CHRD: variants seen among roughly 807,000 people sequenced by gnomAD.
CHRD encodes chordin.
A neutral mutation model predicts 113.7 loss-of-function variants in CHRD; 69 were observed. The observed-to-expected ratio is 0.61, with a 90% confidence interval of 0.50 to 0.74. The LOEUF (loss-of-function observed/expected upper bound fraction) is 0.74, where lower values mean the gene tolerates loss of function less well. CHRD is among the 30% of genes least tolerant of loss of function. The probability of loss-of-function intolerance (pLI) is 0.00; values close to 1 mark genes in which losing one functional copy is unlikely to be tolerated. For synonymous variants in CHRD, 561 were observed against 540.8 expected (o/e 1.04, Z -0.52); for missense variants, 1,194 against 1,295.8 (o/e 0.92, Z 1.21).
At position 184,388,511 on chromosome 3, in the gene CHRD, C is replaced by T; in HGVS notation, c.2555-76C>T. 6.7e-7 allele frequency: 1 copy of T among 1,495,612 alleles called. No homozygotes were observed. The highest frequency in any genetic ancestry group is 9.0e-7 in the Non-Finnish European group (1 of 1,116,066). The allele number at this position is 1,495,612 out of a possible 1,614,324, so 92.6% of individuals were successfully genotyped here. On this transcript the variant is annotated intron_variant, in intron 20 of 22. Transcript: ENST00000204604. This position sits in a 1 kb window ranked among gnomAD's most constrained non-coding sequence, Gnocchi z 6.1. Reference sequence around the variant, plus strand: ...ACTAAGTGCCAGAAACTGCAACGTGCTGGGTATTCAAAGAGAATACTCATA... The same window carrying T: ...ACTAAGTGCCAGAAACTGCAACGTGTTGGGTATTCAAAGAGAATACTCATA...
chr3:184,383,566 T>C, exon 12 of CHRD: 2 of 1,614,048 alleles, frequency 1.2e-6, no homozygotes, highest in Non-Finnish European at 1.7e-6. Flanking sequence ...GCCATGACAC[T>C]GGAGACCAAG....
In CHRD at chr3:184,384,639, C is replaced by T; in HGVS notation, c.1543C>T (p.Leu515Phe). The T allele has an allele frequency of 6.2e-7, 1 of 1,606,656 alleles. No individual in the cohort carries two copies. The highest frequency in any genetic ancestry group is 1.7e-5 in the Admixed American group (1 of 58,716). ...CACCAAGGACTTCCCAGACGGAGAG[C>T]TTCGGGGGCACGTGGCTGCCCTGCC... is the stretch of plus-strand genomic sequence containing the variant. The change falls in exon 13 of 23, where the codon CTT becomes TTT. Residue 515 changes from leucine to phenylalanine, a missense_variant. Leu to Phe is a conservative substitution (Grantham distance 22). Coordinates refer to ENST00000204604, the Ensembl canonical transcript of CHRD. The surrounding 1 kb of genome is among the most constrained non-coding windows in gnomAD (Gnocchi z 4.4).
In CHRD at chr3:184,388,254, T is replaced by C. The variant is rs1398948991; in HGVS notation, c.2554+221T>C. Among the ~76,000 whole-genome samples, 1 of 151,078 alleles carries C rather than the reference T, an allele frequency of 6.6e-6. No individual in the cohort carries two copies. Among genetic ancestry groups the C allele is most frequent in the African/African-American group, 2.5e-5 (1 of 40,806 alleles). Reference sequence around the variant, plus strand: ...ATCCATCCGTCCATCCATCCATCCATCCATCCATCCATCCATCCATCCATC... The same window carrying C: ...ATCCATCCGTCCATCCATCCATCCACCCATCCATCCATCCATCCATCCATC... On this transcript the variant is annotated intron_variant, in intron 20 of 22. Coordinates refer to ENST00000204604, the Ensembl canonical transcript of CHRD. This position sits in a 1 kb window ranked among gnomAD's most constrained non-coding sequence, Gnocchi z 6.1.
At position 184,389,056 on chromosome 3, in the gene CHRD, C is replaced by T. The variant is rs566059852; in HGVS notation, c.2812+61C>T. The T allele has an allele frequency of 4.1e-6, 5 of 1,205,382 alleles. No homozygotes were observed. In the African/African-American group the frequency reaches 4.5e-5, roughly 11 times the overall value. 74.7% of individuals were successfully genotyped at this position (1,205,382 alleles called of 1,614,324 possible). A position where few individuals can be genotyped will look rare whatever the true frequency, so the allele number is the denominator to read the frequency against. On this transcript the variant is annotated intron_variant, in intron 22 of 22. Coordinates refer to ENST00000204604, the Ensembl canonical transcript of CHRD. Reference sequence around the variant, plus strand: ...GGAGGGCTCACCTGCCTGTGGGACTCCTGATCAGGGAAGGGAGCACTCACT... The same window carrying T: ...GGAGGGCTCACCTGCCTGTGGGACTTCTGATCAGGGAAGGGAGCACTCACT...
At chr3:184,385,526 C>T (rs1190091710) in intron 14 of CHRD, among the ~76,000 whole-genome samples, 1 of 151,794 alleles carries the variant, frequency 6.6e-6, no homozygotes, top group Non-Finnish European at 1.5e-5. Context: ...ATTAGCTGGG[C>T]GTGGTGGCAC....
downstream of CHRD, chr3:184,390,414 C>G (rs1716981624): frequency 6.6e-6 from 1 of 151,906 alleles, no homozygotes; most frequent in Non-Finnish European, 1.5e-5. Flanking sequence ...CAGCCTCTAC[C>G]TTCTTTGTCT....
At position 184,380,844 on chromosome 3, in the gene CHRD, G is replaced by T. The variant is rs760671906; in HGVS notation, c.252+49G>T. 7.1e-7 allele frequency: 1 copy of T among 1,409,628 alleles called. No homozygotes were observed. 87.3% of individuals were successfully genotyped at this position (1,409,628 alleles called of 1,614,324 possible). A position where few individuals can be genotyped will look rare whatever the true frequency, so the allele number is the denominator to read the frequency against. Reference sequence around the variant, plus strand: ...CGGGCCCTGGCGGGTGGGGAGCGCCGGGTCGCGCGGGCGTCGGAGTGGACT... The same window carrying T: ...CGGGCCCTGGCGGGTGGGGAGCGCCTGGTCGCGCGGGCGTCGGAGTGGACT... On this transcript the variant is annotated intron_variant, in intron 2 of 22. Transcript: ENST00000204604. The surrounding 1 kb of genome is among the most constrained non-coding windows in gnomAD (Gnocchi z 6.3).
exon 8 of CHRD, chr3:184,382,723 T>C: frequency 6.2e-7 from 1 of 1,613,894 alleles, no homozygotes; most frequent in Non-Finnish European, 8.5e-7. Flanking sequence ...CACAGAGGAC[T>C]CCTTGCATTT....
At chr3:184,383,346 G>C (rs1279221784) in exon 11 of CHRD, 6 of 1,613,874 alleles carry the variant, frequency 3.7e-6, no homozygotes, top group Non-Finnish European at 5.1e-6. Flanking sequence ...CTGATGCCCT[G>C]ATCCCAGTCC....
Position 184,386,173 on chromosome 3 carries a change from G to A in CHRD, c.1932+14G>A, listed in dbSNP as rs1324186914. The A allele has an allele frequency of 6.2e-7, 1 of 1,612,204 alleles. No individual in the cohort carries two copies. ...CTCCGAGGGCAGGTAGGTGGCGAGT[G>A]TGGGCAGTGGGGGCAGTGGGGAGGG... On this transcript the variant is annotated intron_variant, in intron 15 of 22. Coordinates refer to ENST00000204604, the Ensembl canonical transcript of CHRD.
At position 184,386,949 on chromosome 3, in the gene CHRD, C is replaced by T. The variant is rs367851013; in HGVS notation, c.2290+11C>T. 2.2e-5 allele frequency: 36 copies of T among 1,614,176 alleles called. No homozygotes were observed. The highest frequency in any genetic ancestry group is 5.0e-5 in the Admixed American group (3 of 60,028). ...GCCCTGTTTGCCCTGGTGAGTTCCC[C>T]GCAGGGGAGTGGAGGGAGGAGTTGG... On this transcript the variant is annotated intron_variant, in intron 17 of 22. Transcript: ENST00000204604.
chr3:184,383,956 T>C lies in CHRD; in HGVS notation c.1440+314T>C, dbSNP rs565656113. ...CACACCCAGCTAATTTCTGTATTTT[T>C]AGTAGAGACGGGGTTTCACCGTGTT... On this transcript the variant is annotated intron_variant, in intron 12 of 22. Transcript: ENST00000204604. 3.3e-5 allele frequency among the ~76,000 whole-genome samples: 5 copies of C among 152,202 alleles called. No homozygotes were observed. The East Asian group carries it at 7.7e-4, about 24-fold the overall frequency.
chr3:184,386,135 C>T (rs368003114), exon 15 of CHRD: 5 of 1,614,034 alleles, frequency 3.1e-6, no homozygotes, highest in Non-Finnish European at 3.4e-6. Context: ...CCAAGGGTAG[C>T]CCCAGAGGGG....
In CHRD at chr3:184,382,422, T is replaced by A. The variant is rs766519819; in HGVS notation, c.733T>A (p.Ser245Thr). Reference sequence around the variant, plus strand: ...GGTGTGGCGGGCAGTGCCTCGGTTGTCTCTGCGGCTCCTTAGGGCAGAACA... The same window carrying A: ...GGTGTGGCGGGCAGTGCCTCGGTTGACTCTGCGGCTCCTTAGGGCAGAACA... Residue 245 changes from serine to threonine, a missense_variant, in exon 7 of 23, where the codon TCT becomes ACT. Ser to Thr is a moderately conservative substitution (Grantham distance 58). Transcript: ENST00000204604. 2 of 1,613,952 alleles carry A rather than the reference T, an allele frequency of 1.2e-6. No individual in the cohort carries two copies. The highest frequency in any genetic ancestry group is 2.7e-5 in the African/African-American group (2 of 74,914).
At chr3:184,386,079 C>T in exon 15 of CHRD, 3 of 1,614,232 alleles carry the variant, frequency 1.9e-6, no homozygotes, top group Non-Finnish European at 2.5e-6. Flanking sequence ...GGAGCCGGAA[C>T]TGCTGCGGCA....
rs947681671 is a variant in CHRD, at chr3:184,381,348, C to T, written c.366C>T (p.Cys122=). 3 of 1,597,656 alleles carry T rather than the reference C, an allele frequency of 1.9e-6. No homozygotes were observed. In the African/African-American group the frequency reaches 4.0e-5, roughly 21 times the overall value. Residue 122 remains cysteine (C), a synonymous_variant, in exon 3 of 23, where the codon TGC becomes TGT. Transcript: ENST00000204604. This position sits in a 1 kb window ranked among gnomAD's most constrained non-coding sequence, Gnocchi z 4.7. ...CGCGCCAGCTGCCGGGACACTGCTG[C>T]CAGACCTGCCCCCAGGGTAAGTCTT...
chr3:184,385,254 T>C lies in CHRD; in HGVS notation c.1818+16T>C. ...TGGCTCAGAGGTAAGGATGTGATGG[T>C]AGGCGGCAGCTTGGAACATTTCTGT... On this transcript the variant is annotated intron_variant, in intron 14 of 22. Coordinates refer to ENST00000204604, the Ensembl canonical transcript of CHRD. 6.3e-7 allele frequency: 1 copy of C among 1,591,458 alleles called. No individual in the cohort carries two copies. The highest frequency in any genetic ancestry group is 8.6e-7 in the Non-Finnish European group (1 of 1,160,724).
chr3:184,386,649 G>C (rs1384738935), exon 16 of CHRD: 4 of 1,610,872 alleles, frequency 2.5e-6, no homozygotes, highest in Non-Finnish European at 3.4e-6. Flanking sequence ...GGTGGTCCTG[G>C]GCGGCCCCGA....
At position 184,383,162 on chromosome 3, in the gene CHRD, C is replaced by T. The variant is rs757550404; in HGVS notation, c.1212C>T (p.Asp404=). Residue 404 remains aspartate (D), a splice_region_variant and synonymous_variant, in exon 10 of 23, where the codon GAC becomes GAT. Transcript: ENST00000204604. ...ACATTGCTGCCAGGAAGAGCTGCGA[C>T]GGTGAGGCGGGGGGGGGGCCTGGTG... 56 of 1,552,466 alleles carry T rather than the reference C, an allele frequency of 3.6e-5. No homozygotes were observed. The South Asian group carries it at 5.3e-4, about 15-fold the overall frequency.
Sources: allele counts gnomAD v4.1 joint callset (sites outside exome capture counted in the v4.1 genomes callset), GRCh38; gene constraint gnomAD v4.1.1; non-coding constraint Gnocchi (gnomAD v3.1); transcripts MANE v1.5; gene names NCBI Gene and HGNC (gene_info 2026-07-23, HGNC 2026-07-21).